Variants in ZC2HC1B observed in about 807,000 individuals in gnomAD.
ZC2HC1B encodes the protein zinc finger C2HC domain-containing protein 1B.
Under a neutral mutation model 31.0 loss-of-function variants are expected in ZC2HC1B, and 36 were observed. That is an observed-to-expected ratio of 1.16 (90% CI 0.89 to 1.54). The LOEUF (loss-of-function observed/expected upper bound fraction) is 1.54, where lower values mean the gene tolerates loss of function less well. ZC2HC1B is among the 40% of genes most tolerant of loss of function. The pLI is 0.00. For synonymous variants in ZC2HC1B, 73 were observed against 88.0 expected (o/e 0.83, Z 0.95); for missense variants, 260 against 268.6 (o/e 0.97, Z 0.22).
chr6:143,876,884 T>C (rs1224704143), intron 1 of ZC2HC1B, among the ~76,000 whole-genome samples: 1 of 150,408 alleles, frequency 6.6e-6, no homozygotes, highest in Non-Finnish European at 1.5e-5. Context: ...GCTGATTAGA[T>C]GGTGCCCACT....
rs1223959531 is a variant in ZC2HC1B, at chr6:143,908,930, T to TA, written c.598+5779dup. ...CTGTGGGTTTGTCATATGTGACACT[T>TA]ATTATTTTGAAGTGTGTTCCTTTAA... On this transcript the variant is annotated intron_variant, in intron 6 of 7. Transcript: ENST00000237275. This position sits in a 1 kb window ranked among gnomAD's most constrained non-coding sequence, Gnocchi z 4.4. 6.6e-6 allele frequency among the ~76,000 whole-genome samples: 1 copy of TA among 152,196 alleles called. No homozygotes were observed. The highest frequency in any genetic ancestry group is 1.5e-5 in the Non-Finnish European group (1 of 68,040).
At chr6:143,896,160 T>C (rs1216207111) in intron 4 of ZC2HC1B, among the ~76,000 whole-genome samples, 1 of 152,208 alleles carries the variant, frequency 6.6e-6, no homozygotes, top group Non-Finnish European at 1.5e-5. Flanking sequence ...CCTCTTCTTC[T>C]ACAGTTTATC....
rs1778147930 is a variant in ZC2HC1B at position 143,933,695 on chromosome 6, G to A, written c.599-3954G>A. 6.6e-6 allele frequency among the ~76,000 whole-genome samples: 1 copy of A among 152,146 alleles called. No homozygotes were observed. Among genetic ancestry groups the A allele is most frequent in the Admixed American group, 6.5e-5 (1 of 15,274 alleles). ...CACCGTGCCCTGCTAACCGTGCCAA[G>A]TTTATCTCTAGGCAGCCTGCAGCCT... On this transcript the variant is annotated intron_variant, in intron 6 of 7. Coordinates refer to ENST00000237275, the MANE Select transcript of ZC2HC1B (RefSeq NM_001013623.3). The surrounding 1 kb of genome is among the most constrained non-coding windows in gnomAD (Gnocchi z 6.4).
chr6:143,916,951 C>T (rs1324555763), intron 6 of ZC2HC1B, among the ~76,000 whole-genome samples: 4 of 152,118 alleles, frequency 2.6e-5, no homozygotes, highest in Non-Finnish European at 5.9e-5. Context: ...GTTGGGAAGG[C>T]ATGATTGGTT....
chr6:143,875,569 T>A, intron 1 of ZC2HC1B, among the ~76,000 whole-genome samples: 1 of 150,926 alleles, frequency 6.6e-6, no homozygotes, highest in East Asian at 1.9e-4. Flanking sequence ...TCCACCATTA[T>A]ACCACACCCT....
intron 4 of ZC2HC1B, among the ~76,000 whole-genome samples, chr6:143,897,531 G>C (rs889265374): frequency 4.6e-5 from 7 of 151,498 alleles, no homozygotes; most frequent in South Asian, 2.1e-4. Flanking sequence ...AGAGAACCTG[G>C]GGCCGACAGG....
At chr6:143,889,102 A>G (rs1356958661) in intron 4 of ZC2HC1B, among the ~76,000 whole-genome samples, 1 of 152,030 alleles carries the variant, frequency 6.6e-6, no homozygotes, top group East Asian at 1.9e-4. Flanking sequence ...AGGAAAATGG[A>G]CATATATTGT....
rs777492500 is a variant in ZC2HC1B at position 143,913,674 on chromosome 6, C to G, written c.598+10522C>G. Among the ~76,000 whole-genome samples the G allele has an allele frequency of 6.6e-6, 1 of 152,202 alleles. No homozygotes were observed. Among genetic ancestry groups the G allele is most frequent in the Non-Finnish European group, 1.5e-5 (1 of 68,034 alleles). ...AGTTCTATGTGACAGATCCAAGGCT[C>G]TGGTGGCATAGGCTCACAAGGGGAT... On this transcript the variant is annotated intron_variant, in intron 6 of 7. Transcript: ENST00000237275. The surrounding 1 kb of genome is among the most constrained non-coding windows in gnomAD (Gnocchi z 5.7).
chr6:143,935,446 C>T lies in ZC2HC1B; in HGVS notation c.599-2203C>T, dbSNP rs142044484. 1.9e-3 allele frequency among the ~76,000 whole-genome samples: 289 copies of T among 152,220 alleles called. 5 individuals carry two copies. Among genetic ancestry groups the T allele is most frequent in the East Asian group, 0.012 (62 of 5,176 alleles). On this transcript the variant is annotated intron_variant, in intron 6 of 7. Coordinates refer to ENST00000237275, the MANE Select transcript of ZC2HC1B (RefSeq NM_001013623.3). ...ATTGGTGCCAGCAGGGTGGGTGGCCCTGTCCTCAGGCCCAGTGAGGGTTTG... is the reference window on the plus strand; with the variant it reads ...ATTGGTGCCAGCAGGGTGGGTGGCCTTGTCCTCAGGCCCAGTGAGGGTTTG...
intron 5 of ZC2HC1B, among the ~76,000 whole-genome samples, chr6:143,901,047 C>CG (rs1777731800): frequency 6.6e-6 from 1 of 151,768 alleles, no homozygotes; most frequent in African/African-American, 2.4e-5. Flanking sequence ...CCATGTTGGC[C>CG]AGGCTGGTCA....
rs1305962068 is a variant in ZC2HC1B, at chr6:143,921,696, A to C, written c.599-15953A>C. Among the ~76,000 whole-genome samples the C allele has an allele frequency of 1.3e-5, 2 of 152,202 alleles. No homozygotes were observed. The highest frequency in any genetic ancestry group is 2.4e-5 in the African/African-American group (1 of 41,452). On this transcript the variant is annotated intron_variant, in intron 6 of 7. Transcript: ENST00000237275. The surrounding 1 kb of genome is among the most constrained non-coding windows in gnomAD (Gnocchi z 6.1). Reference sequence around the variant, plus strand: ...TATAATCCCGGTGCTTTGGGAGGCCAAAGTCAGAGGATCACTGGATGCCAG... The same window carrying C: ...TATAATCCCGGTGCTTTGGGAGGCCCAAGTCAGAGGATCACTGGATGCCAG...
chr6:143,895,408 A>C lies in ZC2HC1B; in HGVS notation c.350-3144A>C, dbSNP rs761540. Among the ~76,000 whole-genome samples the C allele has an allele frequency of 0.17, 25,211 of 152,002 alleles. 4,001 individuals are homozygous for C. Among genetic ancestry groups the C allele is most frequent in the African/African-American group, 0.41 (17,138 of 41,420 alleles). ...GAACTCCTGACCTCAGGTAATGCAC[A>C]TGCCTCGGCCTCCCAAAGTGCTGGG... On this transcript the variant is annotated intron_variant, in intron 4 of 7. Transcript: ENST00000237275. The surrounding 1 kb of genome is among the most constrained non-coding windows in gnomAD (Gnocchi z 4.8).
At chr6:143,889,436 A>AT (rs1777570930) in intron 4 of ZC2HC1B, among the ~76,000 whole-genome samples, 2 of 152,122 alleles carry the variant, frequency 1.3e-5, no homozygotes, top group South Asian at 4.1e-4. Context: ...AGACCCAACT[A>AT]TAAGTATTCC....
rs1777247826 is a variant in ZC2HC1B at position 143,865,533 on chromosome 6, C to T, written c.28+966C>T. Reference sequence around the variant, plus strand: ...ACCCTCCTTCCCTGGTTTATGTTCTCCACAACATCTGTTGACGCAGAGGAC... The same window carrying T: ...ACCCTCCTTCCCTGGTTTATGTTCTTCACAACATCTGTTGACGCAGAGGAC... On this transcript the variant is annotated intron_variant, in intron 1 of 7. Coordinates refer to ENST00000237275, the MANE Select transcript of ZC2HC1B (RefSeq NM_001013623.3). The surrounding 1 kb of genome is among the most constrained non-coding windows in gnomAD (Gnocchi z 4.4). Among the ~76,000 whole-genome samples, 1 of 152,214 alleles carries T rather than the reference C, an allele frequency of 6.6e-6. No individual in the cohort carries two copies. Among genetic ancestry groups the T allele is most frequent in the Non-Finnish European group, 1.5e-5 (1 of 68,050 alleles).
At chr6:143,867,091 T>C (rs62427458) in intron 1 of ZC2HC1B, among the ~76,000 whole-genome samples, 44,067 of 152,132 alleles carry the variant, frequency 0.29, 6,580 homozygotes, top group East Asian at 0.53. Flanking sequence ...ACTTTCAGGC[T>C]GTGTGTGTAA....
At chr6:143,897,926 C>G (rs76410161) in intron 4 of ZC2HC1B, among the ~76,000 whole-genome samples, 1 of 152,194 alleles carries the variant, frequency 6.6e-6, no homozygotes, top group Non-Finnish European at 1.5e-5. Context: ...GAACTACTTT[C>G]TTTACACAGG....
chr6:143,909,295 G>A (rs1317592487), intron 6 of ZC2HC1B, among the ~76,000 whole-genome samples: 1 of 152,092 alleles, frequency 6.6e-6, no homozygotes, highest in Non-Finnish European at 1.5e-5. Context: ...TACTCAGGAG[G>A]CTGAGGCATG....
At chr6:143,927,945 A>G (rs1237169895) in intron 6 of ZC2HC1B, among the ~76,000 whole-genome samples, 1 of 152,120 alleles carries the variant, frequency 6.6e-6, no homozygotes, top group East Asian at 1.9e-4. Flanking sequence ...CTTTTGAAAA[A>G]TGTCTATGTT....
rs371015978 is a variant in ZC2HC1B at position 143,924,522 on chromosome 6, T to A, written c.599-13127T>A. Among the ~76,000 whole-genome samples, 3 of 152,146 alleles carry A rather than the reference T, an allele frequency of 2.0e-5. No homozygotes were observed. The South Asian group carries it at 6.2e-4, about 31-fold the overall frequency. ...TCTGGCAAGGACTTCCAGTACTATG[T>A]TGAATAAAAGTGATGACCCTATCTC... On this transcript the variant is annotated intron_variant, in intron 6 of 7. Transcript: ENST00000237275. The surrounding 1 kb of genome is among the most constrained non-coding windows in gnomAD (Gnocchi z 5.2).
Sources: allele counts gnomAD v4.1 joint callset (sites outside exome capture counted in the v4.1 genomes callset), GRCh38; gene constraint gnomAD v4.1.1; non-coding constraint Gnocchi (gnomAD v3.1); transcripts MANE v1.5; gene names NCBI Gene and HGNC (gene_info 2026-07-23, HGNC 2026-07-21).